FAM111A: variants seen among roughly 807,000 people sequenced by gnomAD.
FAM111A encodes FAM111 trypsin like peptidase A.
A neutral mutation model predicts 3.3 loss-of-function variants in FAM111A; 8 were observed. The ratio of observed to expected loss-of-function variants is 2.39; its 90% CI spans 1.40 to 4.32. The LOEUF is 4.32. Ranked by LOEUF, FAM111A falls within the 30% of genes most tolerant of loss-of-function variation. The pLI, the probability that FAM111A is intolerant of heterozygous loss-of-function variation, is 0.00. For missense variants in FAM111A, 683 were observed against 727.6 expected, an observed-to-expected ratio of 0.94 and a Z score of 0.71; for synonymous variants, 227 against 243.1, an observed-to-expected ratio of 0.93 and a Z score of 0.62.
rs1243142106 is a variant in FAM111A, at chr11:59,152,943, T to C, written c.1275T>C (p.Phe425=). Residue 425 remains phenylalanine, a synonymous_variant, in exon 6 of 6, where the codon TTT becomes TTC. Transcript: ENST00000675163. ...EELKDKETNY[F]FVEPWFEIHN... ...TAAAAGACAAGGAAACAAACTACTT[T>C]TTTGTTGAACCTTGGTTTGAGATAC... The C allele has an allele frequency of 5.0e-6, 8 of 1,614,028 alleles. No homozygotes were observed. Among genetic ancestry groups the C allele is most frequent in the Non-Finnish European group, 2.5e-6 (3 of 1,180,042 alleles).
At chr11:59,145,283 G>C (rs1172961388) in intron 3 of FAM111A, 5 of 152,458 alleles carry the variant, frequency 3.3e-5, no homozygotes, top group African/African-American at 4.8e-5. Context: ...GAGGCAGAGA[G>C]GGGGAAGGAG....
chr11:59,143,938 C>T (rs956000756), intron 3 of FAM111A: 2 of 152,182 alleles, frequency 1.3e-5, no homozygotes, highest in Non-Finnish European at 2.9e-5. Context: ...TGAACCTTTA[C>T]CTCAAAATCC....
intron 3 of FAM111A, 64 bp from the exon 4 acceptor site, chr11:59,145,763 G>C (rs1449112927): frequency 6.6e-6 from 1 of 152,154 alleles, no homozygotes; most frequent in Non-Finnish European, 1.5e-5. Flanking sequence ...ACAAGTTCTT[G>C]CATTTAGGGA....
At position 59,148,924 on chromosome 11, in the gene FAM111A, A is replaced by C. The variant is rs1218110789; in HGVS notation, c.52A>C (p.Asn18His). The C allele has an allele frequency of 5.6e-6, 9 of 1,613,670 alleles. No individual in the cohort carries two copies. The Admixed American group carries it at 1.5e-4, about 27-fold the overall frequency. ...GAAGCACTCAGTCAATGAAAAATGTAATATGAAAATCGAGCACTATTTTTC... is the reference window on the plus strand; with the variant it reads ...GAAGCACTCAGTCAATGAAAAATGTCATATGAAAATCGAGCACTATTTTTC... Reference protein sequence around the residue: ...SRKHSVNEKCNMKIEHYFSPV... With the variant: ...SRKHSVNEKCHMKIEHYFSPV... Residue 18 changes from asparagine to histidine, a missense_variant, in exon 5 of 6, where the codon AAT (asparagine) becomes CAT (histidine). Transcript: ENST00000675163.
chr11:59,150,392 A>G (rs1861498817), intron 5 of FAM111A, among the ~76,000 whole-genome samples: 1 of 152,226 alleles, frequency 6.6e-6, no homozygotes, highest in African/African-American at 2.4e-5. Flanking sequence ...ATTGTCATAC[A>G]ATGATGCTAC....
Position 59,154,503 on chromosome 11 carries a change from G to A in FAM111A, c.*999G>A, listed in dbSNP as rs1445990970. On this transcript the variant is annotated 3_prime_UTR_variant, in exon 6 of 6. Transcript: ENST00000675163. The stretch of plus-strand genomic sequence containing the variant: ...ATTTCTCATTGTTTTACTTCTTCAT[G>A]GTATTATGAAGACTATATAGATGAT... 6.6e-6 allele frequency: 1 copy of A among 152,072 alleles called. No homozygotes were observed. Among genetic ancestry groups the A allele is most frequent in the African/African-American group, 2.4e-5 (1 of 41,398 alleles). The allele number at this position is 152,072 out of a possible 1,614,324, so 9.4% of individuals were successfully genotyped here.
In FAM111A at chr11:59,142,883, T is replaced by TGCTTTC. The variant is rs1555016528; in HGVS notation, c.-581_-576dup. 3 of 150,774 alleles carry TGCTTTC rather than the reference T, an allele frequency of 2.0e-5. No individual in the cohort carries two copies. Among genetic ancestry groups the TGCTTTC allele is most frequent in the Non-Finnish European group, 4.4e-5 (3 of 68,176 alleles). 9.3% of individuals were successfully genotyped at this position (150,774 alleles called of 1,614,324 possible). A position where few individuals can be genotyped will look rare whatever the true frequency, so the allele number is the denominator to read the frequency against. On this transcript the variant is annotated 5_prime_UTR_variant, in exon 1 of 6. Transcript: ENST00000675163. Reference sequence around the variant, plus strand: ...CAGGCCAGCCTACCGGCGACTAGGATGCTTTCGCTTTCGCTCTCGCTTTCC... The same window carrying TGCTTTC: ...CAGGCCAGCCTACCGGCGACTAGGATGCTTTCGCTTTCGCTTTCGCTCTCGCTTTCC...
Position 59,153,314 on chromosome 11 carries a change from A to C in FAM111A, c.1646A>C (p.Lys549Thr). 8 of 1,614,174 alleles carry C rather than the reference A, an allele frequency of 5.0e-6. No homozygotes were observed. The South Asian group carries it at 8.8e-5, about 18-fold the overall frequency. ...TCCGGCTCCCCTGTGTTTGATTCAA[A>C]AGGTTCATTGGTGGCCATGCATGCT... ...GASGSPVFDS[K>T]GSLVAMHAAG... Residue 549 changes from lysine (K) to threonine (T), a missense_variant, in exon 6 of 6, where the codon AAA becomes ACA. Physicochemically the swap from Lys to Thr is moderately conservative, Grantham distance 78. Transcript: ENST00000675163.
intron 5 of FAM111A, among the ~76,000 whole-genome samples, chr11:59,151,014 G>A (rs576853367): frequency 3.9e-5 from 6 of 152,228 alleles, no homozygotes; most frequent in Admixed American, 2.6e-4. Context: ...ATAATAAATT[G>A]CGGTAGCTTA....
Position 59,153,697 on chromosome 11 carries a change from G to C in FAM111A, c.*193G>C. 2 of 464,978 alleles carry C rather than the reference G, an allele frequency of 4.3e-6. No individual in the cohort carries two copies. Among genetic ancestry groups the C allele is most frequent in the Non-Finnish European group, 7.4e-6 (2 of 270,446 alleles). The allele number at this position is 464,978 out of a possible 1,614,324, so 28.8% of individuals were successfully genotyped here. On this transcript the variant is annotated 3_prime_UTR_variant, in exon 6 of 6. Transcript: ENST00000675163. ...AACACTATGAGATGGACTATAACTT[G>C]CCCAAATTTTTTTTTTTTTTTTGAG... is the stretch of plus-strand genomic sequence containing the variant.
At position 59,153,174 on chromosome 11, in the gene FAM111A, G is replaced by T; in HGVS notation, c.1506G>T (p.Gln502His). 6.2e-7 allele frequency: 1 copy of T among 1,614,214 alleles called. No individual in the cohort carries two copies. The highest frequency in any genetic ancestry group is 8.5e-7 in the Non-Finnish European group (1 of 1,180,044). Reference protein sequence around the residue: ...QRAKKCQERVQSKKAESPEYV... With the variant: ...QRAKKCQERVHSKKAESPEYV... ...CAAAGAAATGTCAGGAACGTGTTCAGTCTAAAAAAGCAGAAAGTCCAGAGT... is the reference window on the plus strand; with the variant it reads ...CAAAGAAATGTCAGGAACGTGTTCATTCTAAAAAAGCAGAAAGTCCAGAGT... Residue 502 changes from glutamine (Q) to histidine (H), a missense_variant, in exon 6 of 6, where the codon CAG becomes CAT. Around this residue, in one of 3 missense-constraint regions of FAM111A, gnomAD observed 557 missense variants for 600.2 expected, o/e 0.93. Coordinates refer to ENST00000675163, the MANE Select transcript of FAM111A (RefSeq NM_001312909.2).
intron 5 of FAM111A, 135 bp downstream of exon 5, chr11:59,149,088 A>G (rs1318801784): frequency 3.1e-6 from 2 of 649,112 alleles, no homozygotes; most frequent in African/African-American, 3.6e-5. Context: ...GTATTGGCAT[A>G]TAATGTATCA....
In FAM111A at chr11:59,151,890, A is replaced by G. The variant is rs1223717953; in HGVS notation, c.222A>G (p.Gln74=). Residue 74 remains glutamine (Q), a synonymous_variant, in exon 6 of 6, where the codon CAA becomes CAG. Transcript: ENST00000675163. ...ATCCAGAAGACCAGACCATGCCCCA[A>G]AATAGGACAATATATGTTACCTTGA... The part of the protein sequence containing the change: ...KKNPEDQTMP[Q]NRTIYVTLKV... 5.0e-6 allele frequency: 8 copies of G among 1,614,102 alleles called. No homozygotes were observed. Among genetic ancestry groups the G allele is most frequent in the Admixed American group, 1.7e-5 (1 of 60,008 alleles).
rs1861687507 is a variant in FAM111A, at chr11:59,151,766, A to G, written c.98A>G (p.Gln33Arg). 1.3e-6 allele frequency: 2 copies of G among 1,585,034 alleles called. No homozygotes were observed. Among genetic ancestry groups the G allele is most frequent in the Non-Finnish European group, 1.7e-6 (2 of 1,171,620 alleles). The stretch of plus-strand genomic sequence containing the variant: ...TATTTTTAGGTCTCTAAAGAGCAAC[A>G]GAATAATTGCAGTACTTCTCTAATG... ...HYFSPVSKEQ[Q>R]NNCSTSLMRM... Residue 33 changes from glutamine to arginine, a missense_variant, in exon 6 of 6, where the codon CAG (glutamine) becomes CGG (arginine). Gln to Arg is a conservative substitution (Grantham distance 43). Around this residue, in one of 3 missense-constraint regions of FAM111A, gnomAD observed 557 missense variants for 600.2 expected, o/e 0.93. Transcript: ENST00000675163.
In FAM111A at chr11:59,152,848, G is replaced by A. The variant is rs144962024; in HGVS notation, c.1180G>A (p.Gly394Arg). Residue 394 changes from glycine (G) to arginine (R), a missense_variant, in exon 6 of 6, where the codon GGA becomes AGA. Around this residue, in one of 3 missense-constraint regions of FAM111A, gnomAD observed 557 missense variants for 600.2 expected, o/e 0.93. Transcript: ENST00000675163. Reference protein sequence around the residue: ...RHVIDSIVGDGIEPSKWATII... With the variant: ...RHVIDSIVGDRIEPSKWATII... ...TGTAATAGATAGCATTGTGGGAGAC[G>A]GAATAGAGCCAAGTAAGTGGGCAAC... The A allele has an allele frequency of 1.9e-4, 301 of 1,614,002 alleles. No individual in the cohort carries two copies. Among genetic ancestry groups the A allele is most frequent in the Non-Finnish European group, 2.3e-4 (273 of 1,180,030 alleles).
chr11:59,152,702 A>G lies in FAM111A; in HGVS notation c.1034A>G (p.Lys345Arg). The G allele has an allele frequency of 6.2e-7, 1 of 1,614,228 alleles. No homozygotes were observed. Among genetic ancestry groups the G allele is most frequent in the Non-Finnish European group, 8.5e-7 (1 of 1,180,034 alleles). ...GTAACAAAAAATTCTTCTTCGATTA[A>G]AGTAGTGAAACTTCTTGTACGTCTC... is the stretch of plus-strand genomic sequence containing the variant. The part of the protein sequence containing the change: ...GKVTKNSSSI[K>R]VVKLLVRLSD... Residue 345 changes from lysine (K) to arginine (R), a missense_variant, in exon 6 of 6, where the codon AAA (lysine) becomes AGA (arginine). Lys to Arg is a conservative substitution (Grantham distance 26). Coordinates refer to ENST00000675163, the MANE Select transcript of FAM111A (RefSeq NM_001312909.2).
rs374364204 is a variant in FAM111A, at chr11:59,153,291, C to G, written c.1623C>G (p.Ser541=). Residue 541 remains serine, a synonymous_variant, in exon 6 of 6, where the codon TCC becomes TCG. Transcript: ENST00000675163. The stretch of plus-strand genomic sequence containing the variant: ...ACACTGAATTTTTCTTTGGGGCTTC[C>G]GGCTCCCCTGTGTTTGATTCAAAAG... ...TYDTEFFFGA[S]GSPVFDSKGS... is the part of the protein sequence containing the mutation. The G allele has an allele frequency of 3.1e-6, 5 of 1,613,980 alleles. No individual in the cohort carries two copies. In the African/African-American group the frequency reaches 5.3e-5, roughly 17 times the overall value.
rs780733140 is a variant in FAM111A at position 59,152,707 on chromosome 11, G to C, written c.1039G>C (p.Val347Leu). The C allele has an allele frequency of 1.2e-6, 2 of 1,614,232 alleles. No homozygotes were observed. The highest frequency in any genetic ancestry group is 1.7e-5 in the Admixed American group (1 of 60,030). ...AAAAAATTCTTCTTCGATTAAAGTA[G>C]TGAAACTTCTTGTACGTCTCAGTGA... ...VTKNSSSIKV[V>L]KLLVRLSDSV... The change falls in exon 6 of 6, where the codon GTG (valine) becomes CTG (leucine). Residue 347 changes from valine (V) to leucine (L), a missense_variant. By Grantham distance (32) the Val-to-Leu change is conservative. Coordinates refer to ENST00000675163, the MANE Select transcript of FAM111A (RefSeq NM_001312909.2).
chr11:59,151,382 C>T (rs1861639703), intron 5 of FAM111A, among the ~76,000 whole-genome samples: 1 of 152,218 alleles, frequency 6.6e-6, no homozygotes, highest in African/African-American at 2.4e-5. Flanking sequence ...AACTCCTGAC[C>T]TCAGGTGATC....
Sources: gnomAD v4.1 joint callset for allele counts (sites outside exome capture counted in the v4.1 genomes callset) on GRCh38, gnomAD v4.1.1 for gene constraint, gnomAD v4.1.1 regional missense constraint, MANE v1.5 for transcripts, NCBI Gene and HGNC (gene_info 2026-07-23, HGNC 2026-07-21) for gene names.